Variants in PKNOX2 observed in about 807,000 individuals in gnomAD.
PKNOX2 encodes homeobox protein PKNOX2.
In PKNOX2, 14 loss-of-function variants were observed where a neutral mutation model predicts 53.1. The ratio of observed to expected loss-of-function variants is 0.26; its 90% confidence interval spans 0.17 to 0.41. PKNOX2 has a LOEUF of 0.41. Ranked by LOEUF, PKNOX2 falls within the 10% of genes least tolerant of loss-of-function variation. PKNOX2 has a pLI of 1.00. For synonymous variants in PKNOX2, 257 were observed against 242.8 expected (o/e 1.06, Z -0.54); for missense variants, 496 against 602.8 (o/e 0.82, Z 1.85).
In PKNOX2 at chr11:125,397,985, C is replaced by T. The variant is rs187602579; in HGVS notation, c.511C>T (p.His171Tyr). The change falls in exon 7 of 13, where the codon CAC becomes TAC. Residue 171 changes from histidine to tyrosine, a missense_variant. By Grantham distance (83) the His-to-Tyr change is moderately conservative. Transcript: ENST00000298282. ...RYITCLKTKM[H>Y]SDNLLRNDLG... ...CATCACCTGCCTCAAAACCAAGATG[C>T]ACAGCGACAACCTGCTCAGGAATGA... 4.3e-6 allele frequency: 7 copies of T among 1,614,174 alleles called. No individual in the cohort carries two copies. Among genetic ancestry groups the T allele is most frequent in the Non-Finnish European group, 1.7e-6 (2 of 1,180,012 alleles).
In PKNOX2 at chr11:125,256,516, G is replaced by A. The variant is rs373492912; in HGVS notation, c.-130+21401G>A. 3.3e-5 allele frequency among the ~76,000 whole-genome samples: 5 copies of A among 152,258 alleles called. No individual in the cohort carries two copies. The South Asian group carries it at 8.3e-4, about 25-fold the overall frequency. ...TCTGTGCATTTGGGGCCGGGGAAGG[G>A]CACCCAGACTCCATCCAGTGAGTTC... is the stretch of plus-strand genomic sequence containing the variant. On this transcript the variant is annotated intron_variant, in intron 2 of 12. Transcript: ENST00000298282.
intron 2 of PKNOX2, among the ~76,000 whole-genome samples, chr11:125,283,373 T>G (rs1946699055): frequency 6.6e-6 from 1 of 152,198 alleles, no homozygotes; most frequent in South Asian, 2.1e-4. Context: ...GCCCCTTCAG[T>G]GTGTTCCCTC....
chr11:125,296,607 T>A (rs533079697), intron 2 of PKNOX2, among the ~76,000 whole-genome samples: 15 of 152,292 alleles, frequency 9.8e-5, no homozygotes, highest in African/African-American at 3.1e-4. Context: ...CTCATCTCCA[T>A]CCAGCATGCT....
Position 125,367,076 on chromosome 11 carries a change from T to C in PKNOX2, c.88-770T>C, listed in dbSNP as rs138880709. Among the ~76,000 whole-genome samples the C allele has an allele frequency of 2.0e-4, 31 of 152,184 alleles. No individual in the cohort carries two copies. In the East Asian group the frequency reaches 5.2e-3, roughly 26 times the overall value. Reference sequence around the variant, plus strand: ...TAGAGATTTCTTTGACTGAAGGAAATAAAAAAGCATGAAACTCCATAGTGA... The same window carrying C: ...TAGAGATTTCTTTGACTGAAGGAAACAAAAAAGCATGAAACTCCATAGTGA... On this transcript the variant is annotated intron_variant, in intron 4 of 12. Coordinates refer to ENST00000298282, the MANE Select transcript of PKNOX2 (RefSeq NM_001382323.2).
intron 4 of PKNOX2, among the ~76,000 whole-genome samples, chr11:125,355,110 T>C (rs1386516605): frequency 6.6e-6 from 1 of 151,658 alleles, no homozygotes; most frequent in Non-Finnish European, 1.5e-5. Flanking sequence ...CTACTAAAAG[T>C]ACAAAAAGTA....
At chr11:125,334,274 G>A (rs764164579) in intron 3 of PKNOX2, among the ~76,000 whole-genome samples, 1 of 152,224 alleles carries the variant, frequency 6.6e-6, no homozygotes, top group Non-Finnish European at 1.5e-5. Context: ...ATCCTCTGAG[G>A]TGGGGATTTT....
chr11:125,217,369 G>A (rs1486035496), intron 1 of PKNOX2, among the ~76,000 whole-genome samples: 1 of 152,178 alleles, frequency 6.6e-6, no homozygotes, highest in Non-Finnish European at 1.5e-5. Flanking sequence ...ACAAGGAAAA[G>A]AACTCAGGCA....
intron 2 of PKNOX2, among the ~76,000 whole-genome samples, chr11:125,293,232 A>G (rs1176825576): frequency 6.6e-6 from 1 of 152,202 alleles, no homozygotes; most frequent in Non-Finnish European, 1.5e-5. Context: ...ATACATATAT[A>G]ATCCATACTG....
chr11:125,380,331 C>T (rs908745561), intron 5 of PKNOX2, among the ~76,000 whole-genome samples: 5 of 152,104 alleles, frequency 3.3e-5, no homozygotes, highest in South Asian at 2.1e-4. Flanking sequence ...GAGGCTCAAA[C>T]GCTCACTGAA....
intron 2 of PKNOX2, among the ~76,000 whole-genome samples, chr11:125,247,905 C>G (rs1437136529): frequency 6.6e-6 from 1 of 152,156 alleles, no homozygotes; most frequent in African/African-American, 2.4e-5. Flanking sequence ...CTTCCCATCC[C>G]GCTAGCTCCT....
intron 1 of PKNOX2, among the ~76,000 whole-genome samples, chr11:125,170,914 AC>A (rs1407350142): frequency 1.3e-5 from 2 of 148,228 alleles, no homozygotes; most frequent in African/African-American, 5.0e-5. Context: ...CTTAGTAGGA[AC>A]GTGGCCAATT....
intron 4 of PKNOX2, among the ~76,000 whole-genome samples, chr11:125,366,534 G>C (rs1028471556): frequency 2.0e-5 from 3 of 152,186 alleles, no homozygotes; most frequent in African/African-American, 4.8e-5. Flanking sequence ...TGGGAGTGAA[G>C]AGAAAATCAA....
chr11:125,384,490 C>A (rs1953485383), intron 5 of PKNOX2, among the ~76,000 whole-genome samples: 1 of 152,146 alleles, frequency 6.6e-6, no homozygotes, highest in Non-Finnish European at 1.5e-5. Context: ...TCGAGACCAT[C>A]CTGGCTAACA....
intron 4 of PKNOX2, among the ~76,000 whole-genome samples, chr11:125,357,920 G>C (rs1296060253): frequency 6.6e-6 from 1 of 152,172 alleles, no homozygotes; most frequent in Non-Finnish European, 1.5e-5. Context: ...AGTGTGTCCT[G>C]TGGGCCATGC....
At chr11:125,293,317 A>C (rs1233243597) in intron 2 of PKNOX2, among the ~76,000 whole-genome samples, 1 of 152,184 alleles carries the variant, frequency 6.6e-6, no homozygotes, top group Non-Finnish European at 1.5e-5. Context: ...AAACCCATGT[A>C]TGTGGGCAGG....
intron 2 of PKNOX2, among the ~76,000 whole-genome samples, chr11:125,315,829 C>T (rs563554934): frequency 4.6e-5 from 7 of 152,004 alleles, no homozygotes; most frequent in African/African-American, 9.7e-5. Context: ...ACCCCCTACC[C>T]GAGGCTTAAA....
intron 5 of PKNOX2, among the ~76,000 whole-genome samples, chr11:125,384,660 G>A (rs1405638245): frequency 1.3e-5 from 2 of 152,170 alleles, no homozygotes; most frequent in African/African-American, 4.8e-5. Context: ...ACTCCAGCCT[G>A]GGTGACAGAG....
chr11:125,234,860 A>C (rs1374215358), intron 1 of PKNOX2, among the ~76,000 whole-genome samples, 185 bp from the exon 2 acceptor site: 3 of 151,754 alleles, frequency 2.0e-5, no homozygotes. Context: ...GTCTCTAAAC[A>C]ATAATGGTTT....
At chr11:125,189,385 G>GTGTGTATATATATA (rs1555111590) in intron 1 of PKNOX2, among the ~76,000 whole-genome samples, 2 of 91,058 alleles carry the variant, frequency 2.2e-5, no homozygotes, top group Admixed American at 2.3e-4. Flanking sequence ...ATATATATGT[G>GTGTGTATATATATA]TGTATATATA....
Sources: allele counts gnomAD v4.1 joint callset (sites outside exome capture counted in the v4.1 genomes callset), GRCh38; gene constraint gnomAD v4.1.1; transcripts MANE v1.5; gene names NCBI Gene and HGNC (gene_info 2026-07-23, HGNC 2026-07-21).